Variants in OR3A3 observed in about 807,000 individuals in gnomAD.
The protein encoded by OR3A3 is olfactory receptor family 3 subfamily A member 3.
For missense variants in OR3A3, 275 were observed against 391.4 expected (o/e 0.70, Z 2.51); for synonymous variants, 103 against 163.9 (o/e 0.63, Z 2.84).
At chr17:3,413,837 A>C (rs1386912293) in intron 2 of OR3A3, among the ~76,000 whole-genome samples, 29 of 143,796 alleles carry the variant, frequency 2.0e-4, no homozygotes, top group African/African-American at 7.4e-4. Flanking sequence ...AAACAAAAAA[A>C]CAAAAAACAA....
rs758770729 is a variant in OR3A3, at chr17:3,421,037, C to G, written c.452C>G (p.Ser151Cys). 13 of 1,614,052 alleles carry G rather than the reference C, an allele frequency of 8.1e-6. No homozygotes were observed. The African/African-American group carries it at 1.5e-4, about 18-fold the overall frequency. The change falls in exon 3 of 3, where the codon TCC (serine) becomes TGC (cysteine). Residue 151 changes from serine to cysteine, a missense_variant. By Grantham distance (112) the Ser-to-Cys change is moderately radical. Coordinates refer to ENST00000641141, the Ensembl canonical transcript of OR3A3. The stretch of plus-strand genomic sequence containing the variant: ...GTCCAGAGGATGTTGGTGGCTGCGT[C>G]CTGGGCTTGTGCCTTCACCAACGCA...
At chr17:3,418,331 G>A (rs960193627) in intron 2 of OR3A3, among the ~76,000 whole-genome samples, 29 of 152,194 alleles carry the variant, frequency 1.9e-4, no homozygotes, top group African/African-American at 7.0e-4. Flanking sequence ...TTTTTGCTGG[G>A]GACAGGTGCA....
At chr17:3,419,349 C>T (rs1303432587) in intron 2 of OR3A3, among the ~76,000 whole-genome samples, 1 of 152,164 alleles carries the variant, frequency 6.6e-6, no homozygotes, top group Non-Finnish European at 1.5e-5. Context: ...TCTAGTTTCT[C>T]TGAAACTCTC....
intron 2 of OR3A3, among the ~76,000 whole-genome samples, chr17:3,417,629 T>C (rs1301396892): frequency 3.9e-5 from 6 of 152,184 alleles, no homozygotes; most frequent in Non-Finnish European, 8.8e-5. Flanking sequence ...CCAAAAACTT[T>C]AGGCTGTTGC....
At chr17:3,422,953 T>C (rs2072445588) in exon 3 of OR3A3, 1 of 152,190 alleles carries the variant, frequency 6.6e-6, no homozygotes, top group African/African-American at 2.4e-5. Flanking sequence ...AAGGAAATGA[T>C]GCAATGAGAG....
At chr17:3,421,388 T>A (rs2072433777) in exon 3 of OR3A3, 2 of 1,614,106 alleles carry the variant, frequency 1.2e-6, no homozygotes, top group Non-Finnish European at 8.5e-7. Context: ...CTGGGTTCAG[T>A]GGAATCTTCA....
chr17:3,413,889 A>G (rs2072376022), intron 2 of OR3A3, among the ~76,000 whole-genome samples: 1 of 150,722 alleles, frequency 6.6e-6, no homozygotes, highest in African/African-American at 2.4e-5. Context: ...TACCGCATCC[A>G]CATTCTCATC....
At chr17:3,418,764 A>G (rs1402127626) in intron 2 of OR3A3, among the ~76,000 whole-genome samples, 1 of 152,072 alleles carries the variant, frequency 6.6e-6, no homozygotes, top group African/African-American at 2.4e-5. Context: ...ACCCCTTCCC[A>G]TCTTCTGATT....
intron 2 of OR3A3, among the ~76,000 whole-genome samples, chr17:3,413,352 C>T (rs986611042): frequency 6.6e-6 from 1 of 152,128 alleles, no homozygotes; most frequent in Non-Finnish European, 1.5e-5. Flanking sequence ...GGGAAGTGGA[C>T]TTGGAGGAAA....
intron 2 of OR3A3, among the ~76,000 whole-genome samples, chr17:3,418,334 C>T (rs2072404728): frequency 6.6e-6 from 1 of 152,140 alleles, no homozygotes; most frequent in South Asian, 2.1e-4. Flanking sequence ...TTGCTGGGGA[C>T]AGGTGCATGT....
chr17:3,420,516 G>A, intron 2 of OR3A3, 64 bp from the exon 3 acceptor site: 5 of 1,572,110 alleles, frequency 3.2e-6, no homozygotes, highest in African/African-American at 1.4e-5. Context: ...GAACATAAAT[G>A]GTTTAAAATG....
chr17:3,423,992 A>G (rs998072224), exon 3 of OR3A3: 1 of 151,852 alleles, frequency 6.6e-6, no homozygotes, highest in Non-Finnish European at 1.5e-5. Flanking sequence ...TTAATCCTCC[A>G]AAGATTTCCT....
At chr17:3,413,706 G>C (rs946528847) in intron 2 of OR3A3, among the ~76,000 whole-genome samples, 4 of 151,852 alleles carry the variant, frequency 2.6e-5, no homozygotes, top group Non-Finnish European at 5.9e-5. Context: ...CCAGCTGCTC[G>C]GGAGGCTGAG....
intron 2 of OR3A3, among the ~76,000 whole-genome samples, chr17:3,420,320 A>T (rs1597376330): frequency 6.6e-6 from 1 of 152,166 alleles, no homozygotes; most frequent in Non-Finnish European, 1.5e-5. Flanking sequence ...TATTAACTAT[A>T]ATCCTCATGT....
chr17:3,417,269 A>T (rs2072398001), intron 2 of OR3A3, among the ~76,000 whole-genome samples: 1 of 151,942 alleles, frequency 6.6e-6, no homozygotes, highest in Admixed American at 6.6e-5. Context: ...TTCTAAATTC[A>T]TGATTGGGTT....
At chr17:3,422,305 C>T (rs552382189) in exon 3 of OR3A3, 2 of 152,270 alleles carry the variant, frequency 1.3e-5, no homozygotes, top group African/African-American at 4.8e-5. Flanking sequence ...AGTGATATAC[C>T]TTAAGATCAA....
chr17:3,417,159 C>G (rs1234995788), intron 2 of OR3A3, among the ~76,000 whole-genome samples: 3 of 152,232 alleles, frequency 2.0e-5, no homozygotes, highest in Admixed American at 2.0e-4. Flanking sequence ...TTACCACAAA[C>G]AACCTGTTCT....
At chr17:3,421,132 G>C (rs1424780370) in exon 3 of OR3A3, 3 of 1,614,062 alleles carry the variant, frequency 1.9e-6, no homozygotes, top group Non-Finnish European at 2.5e-6. Flanking sequence ...CTTCTACTGT[G>C]ACCTCCCACA....
At chr17:3,419,751 T>G (rs1324475924) in intron 2 of OR3A3, among the ~76,000 whole-genome samples, 7 of 99,694 alleles carry the variant, frequency 7.0e-5, no homozygotes, top group African/African-American at 2.2e-4. Context: ...TTTTTTTTTT[T>G]GAGACGGAGT....
Sources: allele counts gnomAD v4.1 joint callset (sites outside exome capture counted in the v4.1 genomes callset), GRCh38; gene constraint gnomAD v4.1.1; transcripts MANE v1.5; gene names NCBI Gene and HGNC (gene_info 2026-07-23, HGNC 2026-07-21).